The following PTPDC1 variants were observed in gnomAD, a reference collection of about 807,000 sequenced individuals.
The protein encoded by PTPDC1 is protein tyrosine phosphatase domain containing 1.
Under a neutral mutation model 75.3 loss-of-function variants are expected in PTPDC1, and 53 were observed. The ratio of observed to expected loss-of-function variants is 0.70; its 90% CI spans 0.56 to 0.88. The LOEUF (loss-of-function observed/expected upper bound fraction) is 0.88. Among genes scored for constraint, PTPDC1 ranks in the 40% least tolerant of loss-of-function variants. PTPDC1 has a pLI of 0.00. For synonymous variants in PTPDC1, 349 were observed against 366.2 expected, an observed-to-expected ratio of 0.95 and a Z score of 0.54; for missense variants, 925 against 998.6, an observed-to-expected ratio of 0.93 and a Z score of 0.99.
At chr9:94,042,497 G>A (rs57565208) in intron 1 of PTPDC1, among the ~76,000 whole-genome samples, 1 of 152,118 alleles carries the variant, frequency 6.6e-6, no homozygotes, top group East Asian at 1.9e-4. Flanking sequence ...TATTAAGTGT[G>A]CAGTAGCATT....
At chr9:94,104,205 G>A (rs543452105) in intron 7 of PTPDC1, 70 bp from the exon 8 acceptor site, 43 of 987,666 alleles carry the variant, frequency 4.4e-5, no homozygotes, top group Middle Eastern at 2.4e-4. Flanking sequence ...TTGACTCTAC[G>A]ATAGTTTTGA....
chr9:94,042,525 T>C (rs1320422368), intron 1 of PTPDC1, among the ~76,000 whole-genome samples: 1 of 152,174 alleles, frequency 6.6e-6, no homozygotes, highest in East Asian at 1.9e-4. Context: ...AAAAAAATAA[T>C]GTATATACGT....
chr9:94,047,942 A>G (rs1258456622), intron 1 of PTPDC1, among the ~76,000 whole-genome samples: 1 of 152,212 alleles, frequency 6.6e-6, no homozygotes, highest in East Asian at 1.9e-4. Context: ...TACCAACCAA[A>G]AAAAGTCCAG....
intron 1 of PTPDC1, among the ~76,000 whole-genome samples, chr9:94,064,388 G>A (rs1476305580): frequency 6.6e-6 from 1 of 152,130 alleles, no homozygotes; most frequent in African/African-American, 2.4e-5. Context: ...AACTTAATAA[G>A]TATAATTTTT....
chr9:94,037,073 A>C (rs1825294972), intron 1 of PTPDC1, among the ~76,000 whole-genome samples: 1 of 152,232 alleles, frequency 6.6e-6, no homozygotes, highest in Non-Finnish European at 1.5e-5. Flanking sequence ...GATCTAGGTA[A>C]TGTTAGCTTT....
intron 1 of PTPDC1, among the ~76,000 whole-genome samples, chr9:94,043,979 G>A (rs1825510916): frequency 6.6e-6 from 1 of 151,918 alleles, no homozygotes; most frequent in South Asian, 2.1e-4. Flanking sequence ...TATTTTTCTG[G>A]GTCTATTTCC....
intron 1 of PTPDC1, among the ~76,000 whole-genome samples, chr9:94,060,321 A>G (rs1051856005): frequency 1.3e-5 from 2 of 152,232 alleles, no homozygotes; most frequent in African/African-American, 4.8e-5. Flanking sequence ...AGACAAAGAT[A>G]TTGTGGAGAG....
upstream of PTPDC1, among the ~76,000 whole-genome samples, chr9:94,081,548 A>C (rs1474938766): frequency 6.6e-6 from 1 of 152,166 alleles, no homozygotes; most frequent in Non-Finnish European, 1.5e-5. Context: ...TTAAAAATTA[A>C]AACTAAAGTG....
chr9:94,038,613 A>G (rs1159707934), intron 1 of PTPDC1, among the ~76,000 whole-genome samples: 2 of 152,342 alleles, frequency 1.3e-5, no homozygotes, highest in African/African-American at 2.4e-5. Flanking sequence ...GTAATGTTCA[A>G]CTTTTCACAA....
At chr9:94,052,253 A>AT (rs1245528134) in intron 1 of PTPDC1, among the ~76,000 whole-genome samples, 1 of 152,060 alleles carries the variant, frequency 6.6e-6, no homozygotes, top group Non-Finnish European at 1.5e-5. Context: ...TGTGTTGGGT[A>AT]TTTTTCAAAT....
intron 4 of PTPDC1, among the ~76,000 whole-genome samples, chr9:94,093,435 G>A (rs1167443181): frequency 1.2e-4 from 17 of 145,252 alleles, no homozygotes; most frequent in African/African-American, 3.9e-4. Flanking sequence ...TGGCTTGTAG[G>A]GTTTCTGCCG....
At chr9:94,078,101 A>G (rs571521636) in intron 2 of PTPDC1, among the ~76,000 whole-genome samples, 2 of 152,248 alleles carry the variant, frequency 1.3e-5, no homozygotes, top group East Asian at 3.9e-4. Context: ...TGTCTCTTCT[A>G]ATTTGCCAGT....
intron 2 of PTPDC1, among the ~76,000 whole-genome samples, chr9:94,076,283 C>A (rs960607989): frequency 1.3e-5 from 2 of 152,180 alleles, no homozygotes; most frequent in Non-Finnish European, 2.9e-5. Flanking sequence ...GGATTACAGG[C>A]GTGACCCACT....
chr9:94,046,202 A>G (rs1331040594), intron 1 of PTPDC1, among the ~76,000 whole-genome samples: 1 of 152,090 alleles, frequency 6.6e-6, no homozygotes, highest in Non-Finnish European at 1.5e-5. Context: ...CCATTGGTCT[A>G]TATCTCTGCT....
rs771655193 is a variant in PTPDC1 at position 94,097,874 on chromosome 9, A to G, written c.1308A>G (p.Gln436=). 1 of 1,614,012 alleles carries G rather than the reference A, an allele frequency of 6.2e-7. No individual in the cohort carries two copies. The highest frequency in any genetic ancestry group is 1.1e-5 in the South Asian group (1 of 91,068). The change falls in exon 6 of 9, where the codon CAA becomes CAG. Residue 436 remains glutamine, a synonymous_variant. Transcript: ENST00000620992. ...AAAGGCGGAATGTTGAGTGCCTTCA[A>G]CCCCTGACTCATCTGAAAAGGCGGC... The part of the protein sequence containing the change: ...LWKRRNVECL[Q]PLTHLKRRLS...
chr9:94,088,296 T>C, intron 4 of PTPDC1, 33 bp downstream of exon 4: 1 of 1,607,930 alleles, frequency 6.2e-7, no homozygotes, highest in Non-Finnish European at 8.5e-7. Flanking sequence ...TCATGAATTA[T>C]CAAGGGCAGC....
At chr9:94,105,767 G>A (rs1587917458) in intron 8 of PTPDC1, among the ~76,000 whole-genome samples, 1 of 151,064 alleles carries the variant, frequency 6.6e-6, no homozygotes, top group East Asian at 2.0e-4. Context: ...AGGAGATCAA[G>A]ACCATCCTGG....
chr9:94,095,347 A>T lies in PTPDC1; in HGVS notation c.647A>T (p.Tyr216Phe). The T allele has an allele frequency of 6.2e-7, 1 of 1,611,050 alleles. No homozygotes were observed. Among genetic ancestry groups the T allele is most frequent in the East Asian group, 2.2e-5 (1 of 44,840 alleles). The change falls in exon 5 of 9, where the codon TAT becomes TTT. Residue 216 changes from tyrosine to phenylalanine, a missense_variant. By Grantham distance (22) the Tyr-to-Phe change is conservative. Transcript: ENST00000620992. Reference protein sequence around the residue: ...IYFYNFGWKDYGVASLTTILD... With the variant: ...IYFYNFGWKDFGVASLTTILD... ...TTCTACAATTTCGGATGGAAGGATTATGGTGTAGCGTCTCTTACTACTATC... is the reference window on the plus strand; with the variant it reads ...TTCTACAATTTCGGATGGAAGGATTTTGGTGTAGCGTCTCTTACTACTATC...
At chr9:94,089,188 C>CTT (rs1827190566) in intron 4 of PTPDC1, among the ~76,000 whole-genome samples, 1 of 145,046 alleles carries the variant, frequency 6.9e-6, no homozygotes. Flanking sequence ...ACTAACTCGT[C>CTT]ATCTAGCATT....
Sources: allele counts gnomAD v4.1 joint callset (sites outside exome capture counted in the v4.1 genomes callset), GRCh38; gene constraint gnomAD v4.1.1; transcripts MANE v1.5; gene names NCBI Gene and HGNC (gene_info 2026-07-23, HGNC 2026-07-21).